TDP1: variants seen among roughly 807,000 people sequenced by gnomAD.
The protein encoded by TDP1 is tyr-DNA phosphodiesterase 1.
TDP1 carries 64 observed loss-of-function variants against 81.5 expected under a neutral mutation model. That is an observed-to-expected ratio of 0.79 (90% CI 0.64 to 0.97). TDP1 has a LOEUF of 0.97. TDP1 is among the 50% of genes least tolerant of loss of function. The pLI, the probability that TDP1 is intolerant of heterozygous loss-of-function variation, is 0.00. For synonymous variants in TDP1, 256 were observed against 264.3 expected (o/e 0.97, Z 0.30); for missense variants, 723 against 743.8 (o/e 0.97, Z 0.33).
At chr14:89,979,673 A>C (rs1298816490) in intron 7 of TDP1, among the ~76,000 whole-genome samples, 1 of 152,164 alleles carries the variant, frequency 6.6e-6, no homozygotes, top group Admixed American at 6.5e-5. Context: ...TAGAGATACA[A>C]GTGGAAAACT....
chr14:89,998,375 TATATA>T (rs1896833378), intron 14 of TDP1, among the ~76,000 whole-genome samples: 7 of 4,158 alleles, frequency 1.7e-3, no homozygotes, highest in Admixed American at 3.4e-3. Context: ...AAGCACATTA[TATATA>T]TATATATATA....
intron 2 of TDP1, among the ~76,000 whole-genome samples, chr14:89,960,488 T>C (rs1451347927): frequency 6.6e-6 from 1 of 152,186 alleles, no homozygotes; most frequent in African/African-American, 2.4e-5. Context: ...AATATACCTA[T>C]GCTATGAGTT....
chr14:89,984,883 AT>A (rs1895384587), intron 9 of TDP1, 200 bp downstream of exon 9: 1 of 985,386 alleles, frequency 1.0e-6, no homozygotes, highest in Admixed American at 6.1e-5. Context: ...GTGAATCCTC[AT>A]GTTTACCTTA....
At chr14:89,980,449 T>A (rs1894839579) in intron 7 of TDP1, 91 bp from the exon 8 acceptor site, 1 of 1,442,030 alleles carries the variant, frequency 6.9e-7, no homozygotes, top group African/African-American at 1.4e-5. Context: ...TTAAAAAAAT[T>A]CCTTTAGCTA....
At chr14:90,042,170 C>A (rs962850239) in intron 16 of TDP1, among the ~76,000 whole-genome samples, 2 of 152,164 alleles carry the variant, frequency 1.3e-5, no homozygotes, top group Non-Finnish European at 2.9e-5. Flanking sequence ...AATTATTAAC[C>A]CTTAACAATA....
chr14:89,967,520 T>A lies in TDP1; in HGVS notation c.659+98T>A, dbSNP rs886521390. Reference sequence around the variant, plus strand: ...AGGTGAAAGCCACTCATCTTTTGAGTTTTTCTTTTGAAACTGTTGAAATCA... The same window carrying A: ...AGGTGAAAGCCACTCATCTTTTGAGATTTTCTTTTGAAACTGTTGAAATCA... On this transcript the variant is annotated intron_variant, in intron 5 of 16. Coordinates refer to ENST00000335725, the MANE Select transcript of TDP1 (RefSeq NM_018319.4). 4.0e-5 allele frequency: 43 copies of A among 1,072,024 alleles called. No individual in the cohort carries two copies. The East Asian group carries it at 8.3e-4, about 21-fold the overall frequency. The allele number at this position is 1,072,024 out of a possible 1,614,324, so 66.4% of individuals were successfully genotyped here. A position where few individuals can be genotyped will look rare whatever the true frequency, so the allele number is the denominator to read the frequency against.
intron 15 of TDP1, among the ~76,000 whole-genome samples, chr14:90,031,847 C>G (rs1887320657): frequency 6.6e-6 from 1 of 152,126 alleles, no homozygotes; most frequent in African/African-American, 2.4e-5. Context: ...AAAGGTGTTG[C>G]TTTTTTAAGA....
At chr14:90,031,024 C>T (rs536465596) in intron 15 of TDP1, among the ~76,000 whole-genome samples, 4 of 152,074 alleles carry the variant, frequency 2.6e-5, no homozygotes, top group South Asian at 2.1e-4. Flanking sequence ...CTGCCTGCCT[C>T]GGCCTCCCAA....
At chr14:90,015,249 C>T (rs1222976125) in intron 14 of TDP1, among the ~76,000 whole-genome samples, 1 of 152,198 alleles carries the variant, frequency 6.6e-6, no homozygotes, top group African/African-American at 2.4e-5. Context: ...TCAGCATGTG[C>T]CTGCCTGCCT....
rs1310237457 is a variant in TDP1 at position 89,984,560 on chromosome 14, A to T, written c.929A>T (p.His310Leu). Residue 310 changes from histidine (H) to leucine (L), a missense_variant, in exon 9 of 17, where the codon CAC (histidine) becomes CTC (leucine). Physicochemically the swap from His to Leu is moderately conservative, Grantham distance 99. Coordinates refer to ENST00000335725, the MANE Select transcript of TDP1 (RefSeq NM_018319.4). ...PLYPRIADGT[H>L]KSGESPTHFK... ...TACCCACGAATTGCTGATGGAACCC[A>T]CAAATCTGGAGAGTCGCCAACACAT... 1 of 1,614,166 alleles carries T rather than the reference A, an allele frequency of 6.2e-7. No homozygotes were observed. The highest frequency in any genetic ancestry group is 1.1e-5 in the South Asian group (1 of 91,086).
At chr14:90,015,230 G>A (rs913769551) in intron 14 of TDP1, among the ~76,000 whole-genome samples, 28 of 152,136 alleles carry the variant, frequency 1.8e-4, no homozygotes, top group African/African-American at 6.3e-4. Context: ...AGGGTCCAGG[G>A]CTCTTTTCTC....
At chr14:89,988,449 A>T (rs1041256340) in intron 10 of TDP1, 1 of 311,524 alleles carries the variant, frequency 3.2e-6, no homozygotes, top group Non-Finnish European at 4.7e-6. Context: ...TCATTAACAT[A>T]CAGAAAGACT....
chr14:89,966,989 A>C (rs756652383), intron 4 of TDP1: 1 of 985,234 alleles, frequency 1.0e-6, no homozygotes, highest in Non-Finnish European at 1.2e-6. Context: ...CTTTGTCTCC[A>C]GTATCTGTCT....
intron 14 of TDP1, among the ~76,000 whole-genome samples, chr14:90,009,971 T>C (rs1487992220): frequency 1.3e-5 from 2 of 152,206 alleles, no homozygotes; most frequent in Non-Finnish European, 2.9e-5. Context: ...TCTTAGGACA[T>C]AGACAAAATT....
At chr14:89,966,903 G>T (rs1893007561) in intron 4 of TDP1, 12 of 759,834 alleles carry the variant, frequency 1.6e-5, no homozygotes, top group Non-Finnish European at 1.9e-5. Flanking sequence ...TGAATGTCTG[G>T]TCCCAGGTGG....
chr14:90,000,345 G>A (rs1309159221), intron 14 of TDP1, among the ~76,000 whole-genome samples: 2 of 152,164 alleles, frequency 1.3e-5, no homozygotes, highest in Non-Finnish European at 2.9e-5. Flanking sequence ...AAGGAAAGGG[G>A]ATATACAGGC....
rs34280494 is a variant in TDP1 at position 89,973,802 on chromosome 14, T to C, written c.757-1979T>C. ...GGTCGCTGAAACAACAGACACTTAT[T>C]TCTCACAGTTCTGGAAGCTGGGAAT... On this transcript the variant is annotated intron_variant, in intron 6 of 16. Coordinates refer to ENST00000335725, the MANE Select transcript of TDP1 (RefSeq NM_018319.4). Among the ~76,000 whole-genome samples, 21 of 152,182 alleles carry C rather than the reference T, an allele frequency of 1.4e-4. 1 individual carries two copies. In the Middle Eastern group the frequency reaches 0.014, roughly 99 times the overall value.
chr14:89,970,705 C>G, intron 5 of TDP1: 1 of 404,304 alleles, frequency 2.5e-6, no homozygotes, highest in Non-Finnish European at 3.3e-6. Flanking sequence ...TGAACATTAG[C>G]TTTTCACTGC....
At chr14:90,014,928 C>T (rs1489750584) in intron 14 of TDP1, among the ~76,000 whole-genome samples, 1 of 152,168 alleles carries the variant, frequency 6.6e-6, no homozygotes, top group East Asian at 1.9e-4. Context: ...AGTTGTTTCC[C>T]CCATGTGTTA....
Sources: allele counts gnomAD v4.1 joint callset (sites outside exome capture counted in the v4.1 genomes callset), GRCh38; gene constraint gnomAD v4.1.1; transcripts MANE v1.5; gene names NCBI Gene and HGNC (gene_info 2026-07-23, HGNC 2026-07-21).